Variants in COL26A1 observed in about 807,000 individuals in gnomAD.
COL26A1 encodes collagen type XXVI alpha 1 chain, also known as collagen alpha-1(XXVI) chain.
A neutral mutation model predicts 59.3 loss-of-function variants in COL26A1; 41 were observed. The observed-to-expected ratio is 0.69, with a 90% CI of 0.54 to 0.90. The LOEUF is 0.90. COL26A1 is among the 40% of genes least tolerant of loss of function. The pLI is 0.00. For missense variants in COL26A1, 612 were observed against 602.3 expected (o/e 1.02, Z -0.17); for synonymous variants, 266 against 256.0 (o/e 1.04, Z -0.37).
chr7:101,364,560 T>G (rs1272822846), intron 1 of COL26A1, among the ~76,000 whole-genome samples: 11 of 99,242 alleles, frequency 1.1e-4, no homozygotes, highest in Admixed American at 1.7e-4. Context: ...ACTGACCTCT[T>G]GTGCTTTCTT....
chr7:101,486,104 C>A (rs1794262531), intron 3 of COL26A1, among the ~76,000 whole-genome samples: 1 of 151,460 alleles, frequency 6.6e-6, no homozygotes, highest in Admixed American at 6.6e-5. Context: ...ACCTGAGAGG[C>A]AGAGGTTGCA....
Position 101,489,601 on chromosome 7 carries a change from TTTTCTTTCTTTC to T in COL26A1, c.385+41865_385+41876del, listed in dbSNP as rs1177502295. 8.3e-4 allele frequency among the ~76,000 whole-genome samples: 87 copies of T among 105,224 alleles called. 3 individuals are homozygous for T. The highest frequency in any genetic ancestry group is 1.5e-3 in the South Asian group (4 of 2,594). 69.0% of individuals were successfully genotyped at this position (105,224 alleles called of 152,430 possible). On this transcript the variant is annotated intron_variant, in intron 3 of 12. Coordinates refer to ENST00000313669, the MANE Select transcript of COL26A1 (RefSeq NM_001278563.3). ...CACCACACTCGGCTATTTTCTTTCT[TTTTCTTTCTTTC>T]TTTCTTTCTTTCTTTCTTTCTTTCT...
intron 2 of COL26A1, among the ~76,000 whole-genome samples, chr7:101,440,700 T>C (rs1033427129): frequency 6.6e-6 from 1 of 152,112 alleles, no homozygotes; most frequent in African/African-American, 2.4e-5. Flanking sequence ...GAGCGGTGGC[T>C]CATGCCTGTA....
intron 3 of COL26A1, among the ~76,000 whole-genome samples, chr7:101,520,185 C>T (rs1795110383): frequency 6.6e-6 from 1 of 152,164 alleles, no homozygotes; most frequent in African/African-American, 2.4e-5. Flanking sequence ...ACCATTGCTA[C>T]ATCCAGAAGT....
chr7:101,473,649 C>A (rs994074761), intron 3 of COL26A1, among the ~76,000 whole-genome samples: 1 of 103,974 alleles, frequency 9.6e-6, no homozygotes, highest in East Asian at 2.7e-4. Context: ...CACACACACA[C>A]ACACAAACAC....
intron 4 of COL26A1, among the ~76,000 whole-genome samples, chr7:101,536,143 G>A (rs1795477925): frequency 2.0e-5 from 3 of 152,230 alleles, no homozygotes; most frequent in Admixed American, 2.0e-4. Flanking sequence ...AGCCTCCTGA[G>A]TAGTTGGGAT....
chr7:101,555,802 C>A lies in COL26A1; in HGVS notation c.1096C>A (p.Gln366Lys), dbSNP rs1228670325. 4.3e-6 allele frequency: 7 copies of A among 1,610,698 alleles called. No homozygotes were observed. The highest frequency in any genetic ancestry group is 5.9e-6 in the Non-Finnish European group (7 of 1,178,968). Residue 366 changes from glutamine (Q) to lysine (K), a missense_variant, in exon 12 of 13, where the codon CAG becomes AAG. Transcript: ENST00000313669. ...TCCCCGCCAGGGCGAGGGGGTGCAG[C>A]AGCTGAGAGAGGCCCTGAAGATCCT... is the stretch of plus-strand genomic sequence containing the variant. ...AATAEGEGVQ[Q>K]LREALKILAE...
At chr7:101,372,666 T>C (rs1191171602) in intron 1 of COL26A1, among the ~76,000 whole-genome samples, 4 of 152,162 alleles carry the variant, frequency 2.6e-5, no homozygotes, top group African/African-American at 9.6e-5. Context: ...TGTCATTAGC[T>C]ATTGCCTGAC....
At chr7:101,499,155 G>C (rs764085204) in intron 3 of COL26A1, among the ~76,000 whole-genome samples, 1 of 152,156 alleles carries the variant, frequency 6.6e-6, no homozygotes, top group African/African-American at 2.4e-5. Context: ...GGGGATCCCT[G>C]GCACTGGCTG....
intron 2 of COL26A1, among the ~76,000 whole-genome samples, chr7:101,446,152 G>A (rs1793190819): frequency 6.6e-6 from 1 of 151,682 alleles, no homozygotes; most frequent in South Asian, 2.1e-4. Context: ...TTATCACCAA[G>A]GGGATGGTGC....
rs561133149 is a variant in COL26A1 at position 101,369,626 on chromosome 7, T to C, written c.158+6436T>C. Among the ~76,000 whole-genome samples, 473 of 148,762 alleles carry C rather than the reference T, an allele frequency of 3.2e-3. 2 individuals carry two copies. The highest frequency in any genetic ancestry group is 0.011 in the African/African-American group (461 of 40,746). ...ACCACACCCGGCTAATATTTTTGTA[T>C]TTTTTTTTAGTAGAGTTCTGCATCC... On this transcript the variant is annotated intron_variant, in intron 1 of 12. Transcript: ENST00000313669.
intron 1 of COL26A1, among the ~76,000 whole-genome samples, chr7:101,411,681 A>T (rs1461362091): frequency 6.6e-6 from 1 of 152,054 alleles, no homozygotes; most frequent in Non-Finnish European, 1.5e-5. Context: ...TGTGTACTGC[A>T]GTGTCCTGTG....
chr7:101,483,199 C>CTTT (rs369605902), intron 3 of COL26A1, among the ~76,000 whole-genome samples: 1 of 145,546 alleles, frequency 6.9e-6, no homozygotes, highest in Non-Finnish European at 1.5e-5. Flanking sequence ...AAGAAATTAG[C>CTTT]TTTTTTTTTT....
chr7:101,394,575 TTTTTC>T (rs1328861332), intron 1 of COL26A1, among the ~76,000 whole-genome samples: 7 of 142,538 alleles, frequency 4.9e-5, no homozygotes, highest in East Asian at 2.1e-4. Flanking sequence ...CCTAGCTATT[TTTTTC>T]TTTTCTTTTT....
chr7:101,551,804 G>T (rs1273171642), intron 10 of COL26A1, among the ~76,000 whole-genome samples: 1 of 152,010 alleles, frequency 6.6e-6, no homozygotes, highest in Non-Finnish European at 1.5e-5. Context: ...GGAGTCAGGC[G>T]CTTCCTTGAT....
chr7:101,551,230 T>TGGGGGGGGG, intron 10 of COL26A1, 87 bp downstream of exon 10: 1 of 113,778 alleles, frequency 8.8e-6, no homozygotes, highest in Admixed American at 1.4e-4. Context: ...CGGGGGTTGG[T>TGGGGGGGGG]GGGGGGGTTC....
At chr7:101,375,666 C>G (rs547593289) in intron 1 of COL26A1, among the ~76,000 whole-genome samples, 1 of 150,448 alleles carries the variant, frequency 6.6e-6, no homozygotes, top group Admixed American at 6.7e-5. Context: ...ATAGCAAGAC[C>G]CCATATCTAC....
At chr7:101,378,329 C>T (rs1043434351) in intron 1 of COL26A1, among the ~76,000 whole-genome samples, 2 of 152,116 alleles carry the variant, frequency 1.3e-5, no homozygotes, top group African/African-American at 2.4e-5. Flanking sequence ...TAGTTTTTTA[C>T]TCAAACCGCC....
At chr7:101,538,980 C>A (rs1449594361) in intron 4 of COL26A1, among the ~76,000 whole-genome samples, 2 of 152,236 alleles carry the variant, frequency 1.3e-5, no homozygotes, top group African/African-American at 4.8e-5. Flanking sequence ...TTCTGGCACA[C>A]AGCGCCCCCT....
Sources: allele counts gnomAD v4.1 joint callset (sites outside exome capture counted in the v4.1 genomes callset), GRCh38; gene constraint gnomAD v4.1.1; transcripts MANE v1.5; gene names NCBI Gene and HGNC (gene_info 2026-07-23, HGNC 2026-07-21).